PRKRA: variants seen among roughly 807,000 people sequenced by gnomAD.
The protein encoded by PRKRA is interferon-inducible double-stranded RNA-dependent protein kinase activator A.
Under a neutral mutation model 32.4 loss-of-function variants are expected in PRKRA, and 22 were observed. The observed-to-expected ratio is 0.68, with a 90% CI of 0.49 to 0.97. The LOEUF (loss-of-function observed/expected upper bound fraction) is 0.97, where lower values mean the gene tolerates loss of function less well. Among genes scored for constraint, PRKRA ranks in the 50% least tolerant of loss-of-function variants. The probability of loss-of-function intolerance (pLI) is 0.00; values close to 1 mark genes in which losing one functional copy is unlikely to be tolerated. For synonymous variants in PRKRA, 139 were observed against 129.8 expected (o/e 1.07, Z -0.48); for missense variants, 319 against 375.6 (o/e 0.85, Z 1.25).
At position 178,432,212 on chromosome 2, in the gene PRKRA, A is replaced by C; in HGVS notation, c.827T>G (p.Leu276Arg). Residue 276 changes from leucine to arginine, a missense_variant, in exon 8 of 8, where the codon CTG becomes CGG. Transcript: ENST00000325748. ...ACAGACTGTGATGGGGCTGGTGGAC[A>C]GTTCAGCAAGACATTGATATTGTCC... The part of the protein sequence containing the change: ...ANGQYQCLAE[L>R]STSPITVCHG... 1.9e-6 allele frequency: 3 copies of C among 1,614,254 alleles called. No homozygotes were observed. Among genetic ancestry groups the C allele is most frequent in the Non-Finnish European group, 2.5e-6 (3 of 1,180,042 alleles).
Position 178,436,266 on chromosome 2 carries a change from A to G in PRKRA, c.663T>C (p.Ser221=). ...TCAGTAAGTTGATCTTTTCACCAGG[A>G]GAATTCCTCAAGGAATGCCAAGTAC... The part of the protein sequence containing the change: ...LGCTWHSLRN[S]PGEKINLLKR... Residue 221 remains serine (S), a synonymous_variant, in exon 7 of 8, where the codon TCT becomes TCC. Transcript: ENST00000325748. 6.2e-7 allele frequency: 1 copy of G among 1,613,912 alleles called. No homozygotes were observed. Among genetic ancestry groups the G allele is most frequent in the Non-Finnish European group, 8.5e-7 (1 of 1,179,814 alleles).
intron 7 of PRKRA, among the ~76,000 whole-genome samples, chr2:178,435,383 CAAAAAA>C (rs765962501): frequency 1.6e-5 from 1 of 61,436 alleles, no homozygotes; most frequent in African/African-American, 5.9e-5. Flanking sequence ...TACTCCGTCT[CAAAAAA>C]AAAAAAAAAA....
At chr2:178,450,772 C>A (rs1364029544) in intron 1 of PRKRA, 194 bp downstream of exon 1, 8 of 1,349,714 alleles carry the variant, frequency 5.9e-6, no homozygotes, top group Admixed American at 7.3e-5. Flanking sequence ...CGCCAGGGAC[C>A]ACGAGAGGGG....
intron 7 of PRKRA, chr2:178,433,668 A>T (rs1018208566): frequency 3.3e-5 from 5 of 151,596 alleles, no homozygotes; most frequent in Non-Finnish European, 5.9e-5. Context: ...TAATTTTAAA[A>T]TTTTGAGACA....
chr2:178,441,463 TA>T, intron 6 of PRKRA, 146 bp downstream of exon 6: 1 of 684,364 alleles, frequency 1.5e-6, no homozygotes, highest in Non-Finnish European at 2.5e-6. Context: ...AGGAAGCAGC[TA>T]AAAATGGGGT....
At position 178,436,187 on chromosome 2, in the gene PRKRA, T is replaced by C. The variant is rs1346844625; in HGVS notation, c.742A>G (p.Ile248Val). The C allele has an allele frequency of 1.2e-6, 2 of 1,612,776 alleles. No individual in the cohort carries two copies. The highest frequency in any genetic ancestry group is 1.7e-6 in the Non-Finnish European group (2 of 1,178,848). The change falls in exon 7 of 8, where the codon ATT becomes GTT. Residue 248 changes from isoleucine (I) to valine (V), a missense_variant. Physicochemically the swap from Ile to Val is conservative, Grantham distance 29 (BLOSUM62 3). Coordinates refer to ENST00000325748, the MANE Select transcript of PRKRA (RefSeq NM_003690.5). ...ATATTAAAACCTTGTTCCTTGGCAA[T>C]TTCACTAAGCAGCTGGATGTAATCT... ...NTDYIQLLSE[I>V]AKEQGFNITY...
intron 3 of PRKRA, 84 bp downstream of exon 3, chr2:178,447,421 T>A: frequency 7.5e-7 from 1 of 1,341,092 alleles, no homozygotes. Context: ...TTCACTTTGT[T>A]GCTTTTGTAA....
chr2:178,448,873 T>G (rs548203521), intron 2 of PRKRA, among the ~76,000 whole-genome samples: 1 of 152,264 alleles, frequency 6.6e-6, no homozygotes, highest in East Asian at 1.9e-4. Flanking sequence ...TAGGTGATTG[T>G]GGAGCCTTTA....
At chr2:178,433,553 T>C (rs968224386) in intron 7 of PRKRA, 4 of 152,248 alleles carry the variant, frequency 2.6e-5, no homozygotes, top group African/African-American at 9.6e-5. Context: ...CCTAGTGGAT[T>C]TGAAGTGGTA....
intron 6 of PRKRA, among the ~76,000 whole-genome samples, chr2:178,436,636 G>A (rs770064545): frequency 6.6e-6 from 1 of 152,096 alleles, no homozygotes; most frequent in Non-Finnish European, 1.5e-5. Context: ...AGCACCATAA[G>A]TAAATCCACA....
rs1052125011 is a variant in PRKRA, at chr2:178,436,333, A to G, written c.610-14T>C. 1 of 791,672 alleles carries G rather than the reference A, an allele frequency of 1.3e-6. No homozygotes were observed. The highest frequency in any genetic ancestry group is 5.3e-5 in the East Asian group (1 of 19,042). The allele number at this position is 791,672 out of a possible 1,614,324, so 49.0% of individuals were successfully genotyped here. ...TACTACATTTGTCTGAAAAACAGAG[A>G]TGAAGATTTAGACTCTTGACTAGGA... On this transcript the variant is annotated splice_polypyrimidine_tract_variant and intron_variant, in intron 6 of 7. Coordinates refer to ENST00000325748, the MANE Select transcript of PRKRA (RefSeq NM_003690.5).
chr2:178,436,863 T>A (rs532118054), intron 6 of PRKRA, among the ~76,000 whole-genome samples: 5 of 152,198 alleles, frequency 3.3e-5, no homozygotes, highest in African/African-American at 1.2e-4. Context: ...AAAGTTCTTA[T>A]CAGACTTCTA....
chr2:178,448,466 T>C (rs188687653), intron 2 of PRKRA, among the ~76,000 whole-genome samples: 99 of 152,228 alleles, frequency 6.5e-4, no homozygotes, highest in Admixed American at 9.8e-4. Context: ...TGTCTGTTAA[T>C]AGGCACCTGA....
chr2:178,443,508 G>GA, intron 4 of PRKRA, 124 bp from the exon 5 acceptor site: 1 of 704,290 alleles, frequency 1.4e-6, no homozygotes, highest in Non-Finnish European at 2.5e-6. Context: ...TTCTGCAACA[G>GA]AAAAAAGAGG....
At chr2:178,450,489 G>A in intron 1 of PRKRA, 78 bp from the exon 2 acceptor site, 1 of 1,573,568 alleles carries the variant, frequency 6.4e-7, no homozygotes, top group Non-Finnish European at 8.6e-7. Flanking sequence ...AGTTTTAACC[G>A]CCACCGACGG....
chr2:178,436,083 G>T, intron 7 of PRKRA, 62 bp downstream of exon 7: 2 of 1,142,132 alleles, frequency 1.8e-6, no homozygotes, highest in Non-Finnish European at 2.3e-6. Flanking sequence ...ACACATTTTT[G>T]TTCCTCAAAC....
At chr2:178,444,663 T>G (rs1465555465) in intron 3 of PRKRA, among the ~76,000 whole-genome samples, 163 bp from the exon 4 acceptor site, 1 of 152,238 alleles carries the variant, frequency 6.6e-6, no homozygotes, top group Non-Finnish European at 1.5e-5. Context: ...TGATCGGTCA[T>G]CCAAGATATA....
At chr2:178,440,001 G>C (rs896631813) in intron 6 of PRKRA, 1 of 151,740 alleles carries the variant, frequency 6.6e-6, no homozygotes, top group East Asian at 1.9e-4. Context: ...CTATTGTCAG[G>C]TTTTGGTGTA....
chr2:178,432,203 C>T lies in PRKRA; in HGVS notation c.836G>A (p.Ser279Asn). The change falls in exon 8 of 8, where the codon AGC (serine) becomes AAC (asparagine). Residue 279 changes from serine (S) to asparagine (N), a missense_variant. Transcript: ENST00000325748. ...GGAGCCATGACAGACTGTGATGGGG[C>T]TGGTGGACAGTTCAGCAAGACATTG... ...QYQCLAELST[S>N]PITVCHGSGI... 6.2e-7 allele frequency: 1 copy of T among 1,614,220 alleles called. No individual in the cohort carries two copies. The highest frequency in any genetic ancestry group is 8.5e-7 in the Non-Finnish European group (1 of 1,180,040).
Sources: gnomAD v4.1 joint callset for allele counts (sites outside exome capture counted in the v4.1 genomes callset) on GRCh38, gnomAD v4.1.1 for gene constraint, MANE v1.5 for transcripts, NCBI Gene and HGNC (gene_info 2026-07-23, HGNC 2026-07-21) for gene names.